ALPK1: variants seen among roughly 807,000 people sequenced by gnomAD.
ALPK1 encodes alpha kinase 1, also known as alpha-protein kinase 1.
Under a neutral mutation model 120.6 loss-of-function variants are expected in ALPK1, and 110 were observed. The observed-to-expected ratio is 0.91, with a 90% CI of 0.78 to 1.07. The LOEUF is 1.07. ALPK1 is among the 50% of genes least tolerant of loss of function. The pLI, the probability that ALPK1 is intolerant of heterozygous loss-of-function variation, is 0.00. For missense variants in ALPK1, 1,498 were observed against 1,483.9 expected (o/e 1.01, Z -0.16); for synonymous variants, 582 against 560.3 (o/e 1.04, Z -0.55).
chr4:112,320,017 A>C (rs961448181), intron 2 of ALPK1, among the ~76,000 whole-genome samples: 1 of 152,148 alleles, frequency 6.6e-6, no homozygotes, highest in African/African-American at 2.4e-5. Flanking sequence ...CCTCATTACC[A>C]ATTTGGATGC....
intron 11 of ALPK1, among the ~76,000 whole-genome samples, chr4:112,434,796 G>C (rs1343126472): frequency 6.6e-6 from 1 of 152,164 alleles, no homozygotes; most frequent in Non-Finnish European, 1.5e-5. Flanking sequence ...GCAAGCATGT[G>C]TCACTTGTCC....
intron 2 of ALPK1, among the ~76,000 whole-genome samples, chr4:112,374,429 A>G (rs1445153530): frequency 2.0e-5 from 3 of 152,158 alleles, no homozygotes; most frequent in Non-Finnish European, 2.9e-5. Context: ...TGAACACCCC[A>G]AAGTTATCTA....
intron 4 of ALPK1, among the ~76,000 whole-genome samples, chr4:112,386,757 G>A (rs6822370): frequency 0.4 from 61,576 of 152,050 alleles, 12,898 homozygotes; most frequent in East Asian, 0.72. Flanking sequence ...GGGAAAAAGA[G>A]GGGGAACCTT....
At chr4:112,406,958 T>G (rs1279558037) in intron 4 of ALPK1, among the ~76,000 whole-genome samples, 1 of 152,188 alleles carries the variant, frequency 6.6e-6, no homozygotes, top group Non-Finnish European at 1.5e-5. Flanking sequence ...GGGAAGTTTT[T>G]CTGGGTCTTT....
intron 5 of ALPK1, among the ~76,000 whole-genome samples, chr4:112,412,826 A>C (rs1322632338): frequency 6.6e-6 from 1 of 152,228 alleles, no homozygotes; most frequent in Non-Finnish European, 1.5e-5. Flanking sequence ...TATTATTTTA[A>C]TAACTCTGGT....
intron 2 of ALPK1, among the ~76,000 whole-genome samples, chr4:112,345,111 C>T (rs1303342300): frequency 6.6e-6 from 1 of 152,152 alleles, no homozygotes; most frequent in Admixed American, 6.6e-5. Context: ...GCATGGCTGC[C>T]ATGCTCATTC....
At chr4:112,402,697 A>G (rs1327563622) in intron 4 of ALPK1, among the ~76,000 whole-genome samples, 1 of 152,208 alleles carries the variant, frequency 6.6e-6, no homozygotes, top group Non-Finnish European at 1.5e-5. Flanking sequence ...ATCCATATCC[A>G]CATATTTTTA....
intron 13 of ALPK1, among the ~76,000 whole-genome samples, 188 bp from the exon 14 acceptor site, chr4:112,439,498 T>C (rs1293422244): frequency 6.6e-6 from 1 of 152,248 alleles, no homozygotes; most frequent in African/African-American, 2.4e-5. Context: ...GCATTTTACA[T>C]GCATTTCCTT....
At chr4:112,340,948 C>T (rs905381178) in intron 2 of ALPK1, among the ~76,000 whole-genome samples, 8 of 152,172 alleles carry the variant, frequency 5.3e-5, no homozygotes, top group African/African-American at 9.7e-5. Context: ...TTTGAATTCA[C>T]GCACGTGGTT....
intron 2 of ALPK1, chr4:112,359,725 C>T: frequency 6.9e-6 from 2 of 287,932 alleles, no homozygotes; most frequent in Non-Finnish European, 1.4e-5. Context: ...CACGGGCATG[C>T]AGTATCTGAG....
intron 12 of ALPK1, 51 bp downstream of exon 12, chr4:112,435,352 T>C (rs1209736106): frequency 5.8e-6 from 9 of 1,554,878 alleles, no homozygotes; most frequent in African/African-American, 5.5e-5. Flanking sequence ...CTAACCTTGC[T>C]CTTCTGTTAA....
intron 2 of ALPK1, chr4:112,356,808 G>A (rs1165657578): frequency 2.7e-6 from 2 of 729,398 alleles, no homozygotes; most frequent in Admixed American, 1.7e-5. Context: ...ATCCCATACA[G>A]TTAGTTGTTG....
At chr4:112,363,652 A>C (rs757014638) in intron 2 of ALPK1, among the ~76,000 whole-genome samples, 12 of 152,204 alleles carry the variant, frequency 7.9e-5, no homozygotes, top group Non-Finnish European at 1.3e-4. Context: ...GGTCATCAAG[A>C]GAGAAAGTCA....
intron 5 of ALPK1, chr4:112,414,405 G>A (rs1036319988): frequency 7.5e-5 from 33 of 437,372 alleles, no homozygotes; most frequent in South Asian, 3.5e-4. Context: ...TCAGGAGTTC[G>A]AGACCAGCCT....
chr4:112,359,248 A>G, intron 2 of ALPK1: 1 of 544,136 alleles, frequency 1.8e-6, no homozygotes, highest in African/African-American at 1.9e-5. Flanking sequence ...AGAGCAGGGA[A>G]GCAGGGCCAG....
intron 5 of ALPK1, among the ~76,000 whole-genome samples, chr4:112,420,841 AAGAGAG>A (rs141678964): frequency 2.5e-4 from 38 of 149,538 alleles, no homozygotes; most frequent in African/African-American, 6.6e-4. Flanking sequence ...CATAGAGAGA[AAGAGAG>A]AGAGAGAGAG....
chr4:112,389,865 C>T (rs1361760452), intron 4 of ALPK1, among the ~76,000 whole-genome samples: 1 of 152,198 alleles, frequency 6.6e-6, no homozygotes, highest in African/African-American at 2.4e-5. Flanking sequence ...TCACTTTCCT[C>T]TCCCTTGCCT....
chr4:112,315,567 G>A (rs1373865451), intron 1 of ALPK1, among the ~76,000 whole-genome samples: 5 of 152,190 alleles, frequency 3.3e-5, no homozygotes, highest in Non-Finnish European at 7.3e-5. Context: ...ACAGGATCTG[G>A]TCTCCCTTGA....
intron 4 of ALPK1, chr4:112,384,565 A>G (rs569614905): frequency 1.3e-5 from 2 of 152,388 alleles, no homozygotes; most frequent in South Asian, 4.1e-4. Context: ...ATAGATTAGC[A>G]TCATCTGAAA....
Sources: gnomAD v4.1 joint callset for allele counts (sites outside exome capture counted in the v4.1 genomes callset) on GRCh38, gnomAD v4.1.1 for gene constraint, MANE v1.5 for transcripts, NCBI Gene and HGNC (gene_info 2026-07-23, HGNC 2026-07-21) for gene names.